Variants in CNKSR3 observed in about 807,000 individuals in gnomAD.
CNKSR3 encodes CNKSR family member 3, also known as connector enhancer of kinase suppressor of ras 3.
A neutral mutation model predicts 67.7 loss-of-function variants in CNKSR3; 36 were observed. The ratio of observed to expected loss-of-function variants is 0.53; its 90% CI spans 0.41 to 0.70. CNKSR3 has a LOEUF of 0.70. Ranked by LOEUF, CNKSR3 falls within the 30% of genes least tolerant of loss-of-function variation. The pLI, the probability that CNKSR3 is intolerant of heterozygous loss-of-function variation, is 0.00. For synonymous variants in CNKSR3, 281 were observed against 271.4 expected (o/e 1.04, Z -0.35); for missense variants, 630 against 695.2 (o/e 0.91, Z 1.05).
At chr6:154,469,272 T>C (rs929444162) in intron 1 of CNKSR3, among the ~76,000 whole-genome samples, 1 of 152,160 alleles carries the variant, frequency 6.6e-6, no homozygotes, top group Non-Finnish European at 1.5e-5. Context: ...TTACAAATAA[T>C]AGTAGAAAGA....
chr6:154,495,579 T>C (rs1786861907), intron 1 of CNKSR3, among the ~76,000 whole-genome samples: 1 of 151,598 alleles, frequency 6.6e-6, no homozygotes, highest in Non-Finnish European at 1.5e-5. Context: ...CTCACTATGT[T>C]GTCCAGGCTG....
rs1483987136 is a variant in CNKSR3, at chr6:154,469,116, TGAGTCAATATTTATACTG to T, written c.53-18876_53-18859del. On this transcript the variant is annotated intron_variant, in intron 1 of 12. Coordinates refer to ENST00000607772, the MANE Select transcript of CNKSR3 (RefSeq NM_173515.4). Reference sequence around the variant, plus strand: ...TTTATTATTGCTGTTAATGACATCTTGAGTCAATATTTATACTGGCATCAAAGAAAAAATTCATTAGCA... The same window carrying T: ...TTTATTATTGCTGTTAATGACATCTTGCATCAAAGAAAAAATTCATTAGCA... Among the ~76,000 whole-genome samples, 3 of 152,260 alleles carry T rather than the reference TGAGTCAATATTTATACTG, an allele frequency of 2.0e-5. No homozygotes were observed. The East Asian group carries it at 5.8e-4, about 29-fold the overall frequency.
rs1319604501 is a variant in CNKSR3, at chr6:154,394,607, C to T, written c.*11747G>A. The T allele has an allele frequency of 2.6e-5, 1 of 37,868 alleles. No homozygotes were observed. The highest frequency in any genetic ancestry group is 1.2e-4 in the African/African-American group (1 of 8,118). 2.3% of individuals were successfully genotyped at this position (37,868 alleles called of 1,614,324 possible). On this transcript the variant is annotated 3_prime_UTR_variant, in exon 13 of 13. Coordinates refer to ENST00000607772, the MANE Select transcript of CNKSR3 (RefSeq NM_173515.4). The stretch of plus-strand genomic sequence containing the variant: ...TGTTTGTTATAGCATGAGCCTAATA[C>T]AAGAAGTAAAAAAAAAAAAAAAAAA...
At chr6:154,496,738 A>T (rs1036443361) in intron 1 of CNKSR3, among the ~76,000 whole-genome samples, 1 of 152,234 alleles carries the variant, frequency 6.6e-6, no homozygotes, top group Non-Finnish European at 1.5e-5. Context: ...AAAAAGAGAA[A>T]AGAAGTAGAT....
intron 2 of CNKSR3, 49 bp from the exon 3 acceptor site, chr6:154,442,339 T>G (rs1351852837): frequency 6.5e-7 from 1 of 1,527,666 alleles, no homozygotes; most frequent in African/African-American, 1.4e-5. Flanking sequence ...TGCACAATAT[T>G]CGACAGGGCG....
At position 154,388,543 on chromosome 6, in the gene CNKSR3, T is replaced by C. The variant is rs1016465753; in HGVS notation, c.*17811A>G. Reference sequence around the variant, plus strand: ...GATAAATATCCAGAAATAGGGTTGCTAGGTCACATGGCAGTTCTATTTTTA... The same window carrying C: ...GATAAATATCCAGAAATAGGGTTGCCAGGTCACATGGCAGTTCTATTTTTA... On this transcript the variant is annotated 3_prime_UTR_variant, in exon 13 of 13. Coordinates refer to ENST00000607772, the MANE Select transcript of CNKSR3 (RefSeq NM_173515.4). 7 of 152,230 alleles carry C rather than the reference T, an allele frequency of 4.6e-5. No homozygotes were observed. Among genetic ancestry groups the C allele is most frequent in the Non-Finnish European group, 8.8e-5 (6 of 68,042 alleles). The allele number at this position is 152,230 out of a possible 1,614,324, so 9.4% of individuals were successfully genotyped here.
At position 154,393,070 on chromosome 6, in the gene CNKSR3, C is replaced by A. The variant is rs1279886603; in HGVS notation, c.*13284G>T. 1 of 152,218 alleles carries A rather than the reference C, an allele frequency of 6.6e-6. No homozygotes were observed. 9.4% of individuals were successfully genotyped at this position (152,218 alleles called of 1,614,324 possible). A position where few individuals can be genotyped will look rare whatever the true frequency, so the allele number is the denominator to read the frequency against. On this transcript the variant is annotated 3_prime_UTR_variant, in exon 13 of 13. Coordinates refer to ENST00000607772, the MANE Select transcript of CNKSR3 (RefSeq NM_173515.4). ...CTGGGATTACAGGTGCCCGCCACCA[C>A]GCCTGGCTAATTTTTGTATTTTTAG...
intron 10 of CNKSR3, among the ~76,000 whole-genome samples, chr6:154,411,982 A>T (rs935930692): frequency 2.6e-5 from 4 of 152,260 alleles, no homozygotes; most frequent in Admixed American, 2.0e-4. Flanking sequence ...CACTGATTCC[A>T]TTCTAATTCT....
intron 4 of CNKSR3, among the ~76,000 whole-genome samples, chr6:154,435,620 A>G (rs1732519458): frequency 6.6e-6 from 1 of 152,236 alleles, no homozygotes; most frequent in African/African-American, 2.4e-5. Context: ...AAGCAGCTGC[A>G]GGCATGACTT....
intron 1 of CNKSR3, among the ~76,000 whole-genome samples, chr6:154,485,895 G>C (rs555399278): frequency 9.9e-5 from 15 of 152,258 alleles, no homozygotes; most frequent in Non-Finnish European, 1.8e-4. Flanking sequence ...AGAAGAACCG[G>C]GCTGGTTTCC....
intron 11 of CNKSR3, 43 bp from the exon 12 acceptor site, chr6:154,410,475 T>G: frequency 7.1e-7 from 1 of 1,403,602 alleles, no homozygotes; most frequent in Non-Finnish European, 1.0e-6. Context: ...TGATGAGTTC[T>G]GGAACTTTAG....
At chr6:154,450,818 C>T (rs1785811005) in intron 1 of CNKSR3, among the ~76,000 whole-genome samples, 1 of 152,142 alleles carries the variant, frequency 6.6e-6, no homozygotes, top group South Asian at 2.1e-4. Context: ...ACTTTCCAAT[C>T]AGAAGTCAAA....
Position 154,405,743 on chromosome 6 carries a change from G to A in CNKSR3, c.*611C>T, listed in dbSNP as rs1391867682. 6.6e-6 allele frequency: 1 copy of A among 152,276 alleles called. No individual in the cohort carries two copies. Among genetic ancestry groups the A allele is most frequent in the African/African-American group, 2.4e-5 (1 of 41,364 alleles). The allele number at this position is 152,276 out of a possible 1,614,324, so 9.4% of individuals were successfully genotyped here. A position where few individuals can be genotyped will look rare whatever the true frequency, so the allele number is the denominator to read the frequency against. Reference sequence around the variant, plus strand: ...TATCAAAATGTGTTCATGTATTTCTGTACCAACTGATCTATACTGAGACTG... The same window carrying A: ...TATCAAAATGTGTTCATGTATTTCTATACCAACTGATCTATACTGAGACTG... On this transcript the variant is annotated 3_prime_UTR_variant, in exon 13 of 13. Coordinates refer to ENST00000607772, the MANE Select transcript of CNKSR3 (RefSeq NM_173515.4).
chr6:154,420,606 G>A (rs1190241162), intron 9 of CNKSR3, among the ~76,000 whole-genome samples: 2 of 143,892 alleles, frequency 1.4e-5, no homozygotes, highest in African/African-American at 5.2e-5. Flanking sequence ...GGAGAATGGC[G>A]TGAACCCGGG....
At chr6:154,439,388 T>A (rs1351163370) in intron 4 of CNKSR3, among the ~76,000 whole-genome samples, 2 of 152,086 alleles carry the variant, frequency 1.3e-5, no homozygotes, top group Admixed American at 1.3e-4. Context: ...AGGCAGAAGT[T>A]CACCCCGTGA....
chr6:154,406,732 G>C, intron 12 of CNKSR3, 80 bp from the exon 13 acceptor site: 1 of 1,242,338 alleles, frequency 8.0e-7, no homozygotes, highest in South Asian at 1.5e-5. Context: ...CACTTTGGGA[G>C]GTCGAGGTGG....
At chr6:154,418,486 A>G (rs1275201716) in intron 9 of CNKSR3, among the ~76,000 whole-genome samples, 1 of 152,096 alleles carries the variant, frequency 6.6e-6, no homozygotes, top group East Asian at 1.9e-4. Flanking sequence ...CCCATCCGCC[A>G]ATGCAAATCC....
At chr6:154,446,103 C>T (rs1785701368) in intron 2 of CNKSR3, among the ~76,000 whole-genome samples, 1 of 152,194 alleles carries the variant, frequency 6.6e-6, no homozygotes, top group African/African-American at 2.4e-5. Flanking sequence ...AATTAAGTAA[C>T]ACAATGAGTT....
At position 154,402,802 on chromosome 6, in the gene CNKSR3, G is replaced by A. The variant is rs926725529; in HGVS notation, c.*3552C>T. ...ATTGAACTGCCAATGCAGCAGGTCT[G>A]AATTGGTAACTACCACATTCATGGT... On this transcript the variant is annotated 3_prime_UTR_variant, in exon 13 of 13. Coordinates refer to ENST00000607772, the MANE Select transcript of CNKSR3 (RefSeq NM_173515.4). 6.6e-6 allele frequency: 1 copy of A among 152,176 alleles called. No homozygotes were observed. The highest frequency in any genetic ancestry group is 1.5e-5 in the Non-Finnish European group (1 of 68,048). 9.4% of individuals were successfully genotyped at this position (152,176 alleles called of 1,614,324 possible).
Sources: allele counts gnomAD v4.1 joint callset (sites outside exome capture counted in the v4.1 genomes callset), GRCh38; gene constraint gnomAD v4.1.1; transcripts MANE v1.5; gene names NCBI Gene and HGNC (gene_info 2026-07-23, HGNC 2026-07-21).